Variants in ERC2 observed in about 807,000 individuals in gnomAD.
The protein encoded by ERC2 is ERC protein 2.
In ERC2, 42 loss-of-function variants were observed where a neutral mutation model predicts 114.8. That is an observed-to-expected ratio of 0.37 (90% CI 0.29 to 0.47). The LOEUF (loss-of-function observed/expected upper bound fraction) is 0.47, where lower values mean the gene tolerates loss of function less well. Among genes scored for constraint, ERC2 ranks in the 20% least tolerant of loss-of-function variants. The pLI is 0.99. For missense variants in ERC2, 939 were observed against 1,150.7 expected, an observed-to-expected ratio of 0.82 and a Z score of 2.66; for synonymous variants, 454 against 425.5, an observed-to-expected ratio of 1.07 and a Z score of -0.82.
At chr3:56,323,667 A>C (rs930024974) in intron 2 of ERC2, among the ~76,000 whole-genome samples, 4 of 152,210 alleles carry the variant, frequency 2.6e-5, no homozygotes, top group Non-Finnish European at 5.9e-5. Context: ...TGTCAAAAAC[A>C]ATGTTATATA....
chr3:56,315,326 A>G (rs1029647911), intron 2 of ERC2, among the ~76,000 whole-genome samples: 1 of 152,254 alleles, frequency 6.6e-6, no homozygotes, highest in African/African-American at 2.4e-5. Context: ...CCTGGAAATG[A>G]TAAGTCACAG....
intron 3 of ERC2, among the ~76,000 whole-genome samples, chr3:56,267,312 C>T (rs1277379311): frequency 6.6e-6 from 1 of 152,114 alleles, no homozygotes; most frequent in African/African-American, 2.4e-5. Context: ...CTATTTGGGT[C>T]AACGTGGGTG....
chr3:55,997,486 G>A (rs979818777), intron 10 of ERC2, among the ~76,000 whole-genome samples: 1 of 148,246 alleles, frequency 6.7e-6, no homozygotes, highest in African/African-American at 2.5e-5. Context: ...AATTTTTAAG[G>A]TGATTATTGA....
intron 13 of ERC2, among the ~76,000 whole-genome samples, chr3:55,910,394 C>T (rs943918176): frequency 1.3e-5 from 2 of 148,202 alleles, no homozygotes; most frequent in Non-Finnish European, 3.0e-5. Context: ...TCTGTCTCAA[C>T]AAAAAAACAA....
chr3:55,742,666 C>G (rs556962060), intron 14 of ERC2, among the ~76,000 whole-genome samples: 12 of 152,278 alleles, frequency 7.9e-5, no homozygotes, highest in African/African-American at 2.9e-4. Flanking sequence ...TTCTTTCCCT[C>G]ATGACCCTGA....
chr3:55,917,162 A>G (rs1005008417), intron 13 of ERC2, among the ~76,000 whole-genome samples: 7 of 152,146 alleles, frequency 4.6e-5, no homozygotes, highest in African/African-American at 7.2e-5. Flanking sequence ...CATGATGCCA[A>G]TGGTTTGAAA....
intron 7 of ERC2, among the ~76,000 whole-genome samples, chr3:56,044,607 C>A (rs958562115): frequency 6.6e-6 from 1 of 152,092 alleles, no homozygotes; most frequent in Non-Finnish European, 1.5e-5. Flanking sequence ...ACTTAAAGTA[C>A]TCTATCTATG....
At chr3:56,179,823 G>T (rs1044560272) in intron 3 of ERC2, among the ~76,000 whole-genome samples, 1 of 152,066 alleles carries the variant, frequency 6.6e-6, no homozygotes, top group East Asian at 1.9e-4. Flanking sequence ...TTAAGTGAAG[G>T]TGCTGAGTAG....
chr3:56,015,989 C>T (rs1171543043), intron 8 of ERC2, among the ~76,000 whole-genome samples: 1 of 152,138 alleles, frequency 6.6e-6, no homozygotes, highest in East Asian at 1.9e-4. Context: ...TGTGTGTTGG[C>T]TGCATAAATG....
At position 55,697,922 on chromosome 3, in the gene ERC2, G is replaced by A. The variant is rs180897026; in HGVS notation, c.2847+1456C>T. Among the ~76,000 whole-genome samples, 61 of 152,110 alleles carry A rather than the reference G, an allele frequency of 4.0e-4. 1 individual carries two copies. In the East Asian group the frequency reaches 0.01, roughly 26 times the overall value. On this transcript the variant is annotated intron_variant, in intron 16 of 17. Coordinates refer to ENST00000288221, the MANE Select transcript of ERC2 (RefSeq NM_015576.3). ...AAAGGCAGGGACCAGGAATGAGAAC[G>A]AGTTGGTTTAGTTAGCAGGATGCCA... is the stretch of plus-strand genomic sequence containing the variant.
chr3:55,754,376 TA>T (rs2066914971), intron 14 of ERC2, among the ~76,000 whole-genome samples: 1 of 151,780 alleles, frequency 6.6e-6, no homozygotes, highest in Non-Finnish European at 1.5e-5. Flanking sequence ...AACTGCATTA[TA>T]AAAATGACAG....
intron 17 of ERC2, among the ~76,000 whole-genome samples, chr3:55,536,418 A>G (rs1427855763): frequency 6.6e-6 from 1 of 152,140 alleles, no homozygotes; most frequent in Non-Finnish European, 1.5e-5. Context: ...TGTGAGCTCC[A>G]TGGAGACAGG....
intron 17 of ERC2, among the ~76,000 whole-genome samples, chr3:55,516,092 C>A (rs560785429): frequency 3.3e-5 from 5 of 152,176 alleles, no homozygotes; most frequent in African/African-American, 1.2e-4. Flanking sequence ...ACACGCTGCA[C>A]GTGGTGCCCA....
intron 3 of ERC2, among the ~76,000 whole-genome samples, chr3:56,250,824 A>G (rs1327836841): frequency 6.6e-6 from 1 of 152,210 alleles, no homozygotes; most frequent in Non-Finnish European, 1.5e-5. Flanking sequence ...AATTCCATGA[A>G]CTCCAAGTAT....
At chr3:56,226,975 A>G (rs763417559) in intron 3 of ERC2, among the ~76,000 whole-genome samples, 17 of 152,064 alleles carry the variant, frequency 1.1e-4, no homozygotes, top group Non-Finnish European at 2.2e-4. Context: ...CTTCTCTTTA[A>G]ACTCACTTTA....
chr3:56,289,094 C>A (rs111630588), intron 3 of ERC2, among the ~76,000 whole-genome samples: 1,843 of 152,058 alleles, frequency 0.012, 33 homozygotes, highest in African/African-American at 0.04. Flanking sequence ...CTTGGCTGCA[C>A]GGCTCCACCA....
chr3:55,808,094 G>C (rs1303592286), intron 14 of ERC2, among the ~76,000 whole-genome samples: 1 of 152,110 alleles, frequency 6.6e-6, no homozygotes, highest in East Asian at 1.9e-4. Context: ...AATCATCTAA[G>C]TCTGGCTTCC....
intron 10 of ERC2, among the ~76,000 whole-genome samples, chr3:55,997,903 TTTTTG>T (rs1192482080): frequency 2.8e-3 from 119 of 42,468 alleles, no homozygotes; most frequent in African/African-American, 6.2e-3. Flanking sequence ...TTTTTTTTTT[TTTTTG>T]TGTGTGTGTG....
chr3:55,663,591 C>A (rs2061231679), intron 17 of ERC2, among the ~76,000 whole-genome samples: 1 of 152,182 alleles, frequency 6.6e-6, no homozygotes, highest in South Asian at 2.1e-4. Context: ...CAGGGTTGAG[C>A]TGCAGGAGGA....
Sources: allele counts gnomAD v4.1 joint callset (sites outside exome capture counted in the v4.1 genomes callset), GRCh38; gene constraint gnomAD v4.1.1; transcripts MANE v1.5; gene names NCBI Gene and HGNC (gene_info 2026-07-23, HGNC 2026-07-21).